Variants in DSCAM observed in about 807,000 individuals in gnomAD.
The protein encoded by DSCAM is cell adhesion molecule DSCAM.
In DSCAM, 47 loss-of-function variants were observed where a neutral mutation model predicts 217.7. The ratio of observed to expected loss-of-function variants is 0.22; its 90% CI spans 0.17 to 0.28. The LOEUF is 0.28. Among genes scored for constraint, DSCAM ranks in the 10% least tolerant of loss-of-function variants. The probability of loss-of-function intolerance (pLI) is 1.00; values close to 1 mark genes in which losing one functional copy is unlikely to be tolerated. For missense variants in DSCAM, 2,080 were observed against 2,618.3 expected (o/e 0.79, Z 4.49); for synonymous variants, 1,056 against 1,015.3 (o/e 1.04, Z -0.76).
At chr21:40,251,417 T>C (rs144351683) in intron 11 of DSCAM, among the ~76,000 whole-genome samples, 4 of 152,322 alleles carry the variant, frequency 2.6e-5, no homozygotes, top group African/African-American at 9.6e-5. Context: ...AGGGAGGGTT[T>C]TTCTCACCAT....
chr21:40,045,826 C>T lies in DSCAM; in HGVS notation c.5186-1551G>A, dbSNP rs376538084. On this transcript the variant is annotated intron_variant, in intron 30 of 32. Coordinates refer to ENST00000400454, the MANE Select transcript of DSCAM (RefSeq NM_001389.5). ...GGGCCGGCCTGTAATGTTATTGCAC[C>T]GATTTATTTATGTGCTTTCATGAGC... 7.9e-5 allele frequency among the ~76,000 whole-genome samples: 12 copies of T among 152,214 alleles called. No individual in the cohort carries two copies. The East Asian group carries it at 1.9e-3, about 24-fold the overall frequency.
chr21:40,688,048 G>A (rs554093882), intron 3 of DSCAM, among the ~76,000 whole-genome samples: 9 of 152,212 alleles, frequency 5.9e-5, no homozygotes, highest in Middle Eastern at 3.4e-3. Context: ...ATCATCCTTC[G>A]ACCTGAACTC....
chr21:40,737,788 C>T (rs2091079862), intron 1 of DSCAM, among the ~76,000 whole-genome samples: 1 of 152,194 alleles, frequency 6.6e-6, no homozygotes, highest in African/African-American at 2.4e-5. Context: ...AGCCTGGCCA[C>T]ATCCAGCATC....
intron 21 of DSCAM, among the ~76,000 whole-genome samples, chr21:40,091,759 A>G (rs1445082698): frequency 6.6e-6 from 1 of 152,152 alleles, no homozygotes; most frequent in South Asian, 2.1e-4. Context: ...AGCATAGGGC[A>G]TGTATTACAT....
In DSCAM at chr21:40,613,426, A is replaced by G. The variant is rs113232565; in HGVS notation, c.508+79384T>C. ...GTGATATTTTCATTTGTGTTTATCT[A>G]TAGTGGTTTTATATTCCTAATTCTT... is the stretch of plus-strand genomic sequence containing the variant. On this transcript the variant is annotated intron_variant, in intron 3 of 32. Coordinates refer to ENST00000400454, the MANE Select transcript of DSCAM (RefSeq NM_001389.5). Among the ~76,000 whole-genome samples the G allele has an allele frequency of 4.4e-3, 664 of 152,310 alleles. 6 individuals carry two copies. The highest frequency in any genetic ancestry group is 0.015 in the African/African-American group (622 of 41,568).
intron 24 of DSCAM, among the ~76,000 whole-genome samples, chr21:40,080,948 G>T (rs2089446847): frequency 6.6e-6 from 1 of 152,172 alleles, no homozygotes; most frequent in African/African-American, 2.4e-5. Flanking sequence ...CAACTAGTAA[G>T]GATGACTGTC....
intron 1 of DSCAM, among the ~76,000 whole-genome samples, chr21:40,790,063 G>A (rs925554035): frequency 6.6e-6 from 1 of 152,028 alleles, no homozygotes; most frequent in Non-Finnish European, 1.5e-5. Flanking sequence ...GTACAGAAAC[G>A]GATGATTTCT....
In DSCAM at chr21:40,144,860, G is replaced by A; in HGVS notation, c.3019-129C>T. The A allele has an allele frequency of 1.5e-6, 2 of 1,353,642 alleles. No individual in the cohort carries two copies. Among genetic ancestry groups the A allele is most frequent in the Admixed American group, 4.1e-5 (2 of 48,504 alleles). 83.9% of individuals were successfully genotyped at this position (1,353,642 alleles called of 1,614,324 possible). A position where few individuals can be genotyped will look rare whatever the true frequency, so the allele number is the denominator to read the frequency against. On this transcript the variant is annotated intron_variant, in intron 16 of 32. Coordinates refer to ENST00000400454, the MANE Select transcript of DSCAM (RefSeq NM_001389.5). This position sits in a 1 kb window ranked among gnomAD's most constrained non-coding sequence, Gnocchi z 4.8. Reference sequence around the variant, plus strand: ...CGCCACGATGCTGGGGCGGTGGTCCGGTAGCAGCCGCAAACCCACGTACAG... The same window carrying A: ...CGCCACGATGCTGGGGCGGTGGTCCAGTAGCAGCCGCAAACCCACGTACAG...
intron 32 of DSCAM, among the ~76,000 whole-genome samples, chr21:40,021,811 C>A (rs1167815228): frequency 6.6e-6 from 1 of 152,160 alleles, no homozygotes; most frequent in African/African-American, 2.4e-5. Flanking sequence ...TGTACAGATT[C>A]CTTCTGCAGG....
intron 11 of DSCAM, among the ~76,000 whole-genome samples, chr21:40,217,501 T>C (rs774865419): frequency 1.1e-4 from 17 of 152,126 alleles, no homozygotes; most frequent in Admixed American, 2.6e-4. Flanking sequence ...GTATAGATTA[T>C]TTCACTGCTC....
intron 15 of DSCAM, among the ~76,000 whole-genome samples, chr21:40,170,522 A>G (rs2090645337): frequency 6.6e-6 from 1 of 152,202 alleles, no homozygotes; most frequent in Admixed American, 6.5e-5. Flanking sequence ...TAAAGTCCAG[A>G]ACAGGAGCCG....
intron 3 of DSCAM, among the ~76,000 whole-genome samples, chr21:40,639,179 C>CA: frequency 6.6e-6 from 1 of 151,986 alleles, no homozygotes; most frequent in Non-Finnish European, 1.5e-5. Context: ...GAAATCCACC[C>CA]GTCGCTGGGA....
intron 3 of DSCAM, among the ~76,000 whole-genome samples, chr21:40,456,255 A>T (rs1381518885): frequency 6.6e-6 from 1 of 152,048 alleles, no homozygotes; most frequent in Non-Finnish European, 1.5e-5. Flanking sequence ...TTAGTATTTC[A>T]TTAATTGGAC....
intron 3 of DSCAM, among the ~76,000 whole-genome samples, chr21:40,498,124 ACT>A (rs2076134041): frequency 6.6e-6 from 1 of 152,000 alleles, no homozygotes; most frequent in African/African-American, 2.4e-5. Context: ...GGGAATAATA[ACT>A]CTGTGTCATT....
At chr21:40,410,757 T>G (rs1457231165) in intron 3 of DSCAM, among the ~76,000 whole-genome samples, 1 of 96,454 alleles carries the variant, frequency 1.0e-5, no homozygotes, top group Non-Finnish European at 2.6e-5. Context: ...CTCTATACAG[T>G]ACAAAAAAAA....
intron 3 of DSCAM, among the ~76,000 whole-genome samples, chr21:40,620,016 AAAAG>A (rs376239560): frequency 0.032 from 3,127 of 96,430 alleles, 82 homozygotes; most frequent in African/African-American, 0.077. Context: ...AGAAAAAAGA[AAAAG>A]AAAGAAAGAG....
chr21:40,609,314 G>C (rs2089282636), intron 3 of DSCAM, among the ~76,000 whole-genome samples: 1 of 152,186 alleles, frequency 6.6e-6, no homozygotes, highest in Non-Finnish European at 1.5e-5. Flanking sequence ...GGTTTAGAAA[G>C]AGTGAAACTA....
intron 14 of DSCAM, among the ~76,000 whole-genome samples, chr21:40,180,976 T>C (rs969416409): frequency 2.6e-5 from 4 of 152,094 alleles, no homozygotes; most frequent in African/African-American, 9.7e-5. Flanking sequence ...AGTCTCCCAG[T>C]GTGACTTATA....
intron 20 of DSCAM, among the ~76,000 whole-genome samples, chr21:40,110,998 A>G (rs2089892127): frequency 6.6e-6 from 1 of 152,240 alleles, no homozygotes; most frequent in Non-Finnish European, 1.5e-5. Flanking sequence ...TCTGCAGGAT[A>G]TTATCCAGGA....
Sources: gnomAD v4.1 joint callset for allele counts (sites outside exome capture counted in the v4.1 genomes callset) on GRCh38, gnomAD v4.1.1 for gene constraint, Gnocchi (gnomAD v3.1) non-coding constraint, MANE v1.5 for transcripts, NCBI Gene and HGNC (gene_info 2026-07-23, HGNC 2026-07-21) for gene names.